CCDC150: variants seen among roughly 807,000 people sequenced by gnomAD.
CCDC150 encodes the protein coiled-coil domain containing 150.
A neutral mutation model predicts 156.5 loss-of-function variants in CCDC150; 151 were observed. That is an observed-to-expected ratio of 0.97 (90% CI 0.85 to 1.10). The LOEUF is 1.10. Among genes scored for constraint, CCDC150 ranks in the 50% least tolerant of loss-of-function variants. The probability of loss-of-function intolerance (pLI) is 0.00; values close to 1 mark genes in which losing one functional copy is unlikely to be tolerated. For synonymous variants in CCDC150, 452 were observed against 429.4 expected (o/e 1.05, Z -0.65); for missense variants, 1,312 against 1,268.1 (o/e 1.03, Z -0.53).
At chr2:196,676,828 C>G in intron 12 of CCDC150, 97 bp downstream of exon 12, 1 of 1,141,756 alleles carries the variant, frequency 8.8e-7, no homozygotes, top group Non-Finnish European at 1.3e-6. Flanking sequence ...AAATAAAACC[C>G]AGATGCAGTT....
intron 21 of CCDC150, among the ~76,000 whole-genome samples, chr2:196,723,518 A>C (rs1452752707): frequency 6.6e-6 from 1 of 152,146 alleles, no homozygotes; most frequent in Non-Finnish European, 1.5e-5. Flanking sequence ...ATAAAAAGAT[A>C]AACGCTAAAG....
intron 9 of CCDC150, 35 bp from the exon 10 acceptor site, chr2:196,674,206 G>C: frequency 1.6e-6 from 2 of 1,232,774 alleles, no homozygotes; most frequent in Non-Finnish European, 2.3e-6. Context: ...TTCTTTATTG[G>C]AGAGACCAAT....
chr2:196,681,011 C>A (rs115267157), intron 13 of CCDC150, among the ~76,000 whole-genome samples: 123 of 152,256 alleles, frequency 8.1e-4, no homozygotes, highest in Non-Finnish European at 1.4e-3. Context: ...CAGTGGTATT[C>A]AGTACATTTG....
At chr2:196,646,560 T>A in intron 2 of CCDC150, 56 bp downstream of exon 2, 1 of 1,344,066 alleles carries the variant, frequency 7.4e-7, no homozygotes, top group Non-Finnish European at 1.1e-6. Flanking sequence ...CACTGCTTAT[T>A]AAGTCACAGT....
chr2:196,687,321 G>A (rs1222275888), intron 13 of CCDC150, among the ~76,000 whole-genome samples: 1 of 152,222 alleles, frequency 6.6e-6, no homozygotes, highest in Non-Finnish European at 1.5e-5. Context: ...TCTGACTGGT[G>A]TGAGATGGTA....
intron 1 of CCDC150, among the ~76,000 whole-genome samples, chr2:196,643,571 GA>G (rs1489687823): frequency 6.6e-6 from 1 of 152,216 alleles, no homozygotes; most frequent in Admixed American, 6.5e-5. Flanking sequence ...ACAATTACAT[GA>G]AAAAATTTTA....
At chr2:196,694,954 C>CTGT in intron 13 of CCDC150, 92 bp from the exon 14 acceptor site, 1 of 657,602 alleles carries the variant, frequency 1.5e-6, no homozygotes, top group Non-Finnish European at 2.7e-6. Context: ...CAATACTGTC[C>CTGT]ATTTTACAGT....
intron 5 of CCDC150, among the ~76,000 whole-genome samples, chr2:196,663,530 A>G (rs961714058): frequency 3.3e-5 from 5 of 152,120 alleles, no homozygotes; most frequent in African/African-American, 4.8e-5. Flanking sequence ...AATTGAAAAA[A>G]GAATCTTATA....
At chr2:196,726,661 A>G (rs753999483) in intron 22 of CCDC150, 14 of 153,808 alleles carry the variant, frequency 9.1e-5, no homozygotes, top group South Asian at 2.0e-4. Flanking sequence ...TAATGAGAGT[A>G]CAGGATTGAG....
At chr2:196,732,196 G>T (rs1575993562) in intron 27 of CCDC150, 44 bp downstream of exon 27, 1 of 1,608,542 alleles carries the variant, frequency 6.2e-7, no homozygotes. Context: ...TCTACTTGTT[G>T]CTTCTCAGAT....
chr2:196,704,539 C>G (rs568082896), intron 15 of CCDC150, among the ~76,000 whole-genome samples: 1 of 151,964 alleles, frequency 6.6e-6, no homozygotes, highest in African/African-American at 2.4e-5. Flanking sequence ...GTAGTTATGC[C>G]AGTTTTAAAA....
intron 17 of CCDC150, chr2:196,713,812 A>G: frequency 9.7e-7 from 1 of 1,034,778 alleles, no homozygotes. Flanking sequence ...AATAGAAAAA[A>G]GACTAATATA....
intron 17 of CCDC150, chr2:196,713,175 C>T: frequency 1.0e-6 from 1 of 971,892 alleles, no homozygotes; most frequent in Non-Finnish European, 1.4e-6. Context: ...AGGTCTGTTT[C>T]TTTGCTGGGT....
intron 16 of CCDC150, 166 bp from the exon 17 acceptor site, chr2:196,712,511 T>C (rs1697197455): frequency 3.3e-6 from 2 of 609,518 alleles, no homozygotes; most frequent in Admixed American, 3.0e-5. Flanking sequence ...ATAAACTTTA[T>C]TAGAGAATAG....
intron 17 of CCDC150, 60 bp downstream of exon 17, chr2:196,712,799 C>T (rs931909439): frequency 1.7e-6 from 2 of 1,189,628 alleles, no homozygotes; most frequent in East Asian, 4.9e-5. Flanking sequence ...AAAAACCTTT[C>T]ATAGTTCACA....
intron 26 of CCDC150, among the ~76,000 whole-genome samples, 153 bp downstream of exon 26, chr2:196,731,098 AGAG>A (rs898466761): frequency 1.3e-5 from 2 of 152,156 alleles, no homozygotes; most frequent in Non-Finnish European, 2.9e-5. Flanking sequence ...TCTCTATTGT[AGAG>A]AAGAAGTGAT....
intron 13 of CCDC150, among the ~76,000 whole-genome samples, chr2:196,685,831 G>T (rs1006867921): frequency 6.6e-6 from 1 of 151,950 alleles, no homozygotes; most frequent in African/African-American, 2.4e-5. Context: ...TCCAGGGATG[G>T]TCTTGATCTC....
rs758935864 is a variant in CCDC150 at position 196,666,864 on chromosome 2, C to A, written c.892+16C>A. Reference sequence around the variant, plus strand: ...TCTGATCTAAGTATGAAAATAGATGCTAGAAATCACCCTCTTGTTAGTTTT... The same window carrying A: ...TCTGATCTAAGTATGAAAATAGATGATAGAAATCACCCTCTTGTTAGTTTT... On this transcript the variant is annotated intron_variant, in intron 7 of 27. Coordinates refer to ENST00000389175, the MANE Select transcript of CCDC150 (RefSeq NM_001080539.2). 6.2e-7 allele frequency: 1 copy of A among 1,612,568 alleles called. No homozygotes were observed. The highest frequency in any genetic ancestry group is 8.5e-7 in the Non-Finnish European group (1 of 1,179,184).
chr2:196,722,442 ATTT>A (rs34157571), intron 21 of CCDC150, among the ~76,000 whole-genome samples: 4 of 146,084 alleles, frequency 2.7e-5, no homozygotes, highest in African/African-American at 2.5e-5. Context: ...CACCTGGCTA[ATTT>A]TTTTTTTTTT....
Sources: gnomAD v4.1 joint callset for allele counts (sites outside exome capture counted in the v4.1 genomes callset) on GRCh38, gnomAD v4.1.1 for gene constraint, MANE v1.5 for transcripts, NCBI Gene and HGNC (gene_info 2026-07-23, HGNC 2026-07-21) for gene names.